The following EDIL3 variants were observed in gnomAD, a reference collection of about 807,000 sequenced individuals.
EDIL3 encodes the protein EGF like and discoidin domains 3, also known as EGF-like repeat and discoidin I-like domain-containing protein 3.
A neutral mutation model predicts 67.4 loss-of-function variants in EDIL3; 37 were observed. The observed-to-expected ratio is 0.55, with a 90% confidence interval of 0.42 to 0.72. The LOEUF is 0.72. Among genes scored for constraint, EDIL3 ranks in the 30% least tolerant of loss-of-function variants. The pLI, the probability that EDIL3 is intolerant of heterozygous loss-of-function variation, is 0.00. For missense variants in EDIL3, 527 were observed against 586.3 expected (o/e 0.90, Z 1.04); for synonymous variants, 195 against 196.3 (o/e 0.99, Z 0.05).
chr5:84,345,881 A>G (rs1747227478), intron 1 of EDIL3, among the ~76,000 whole-genome samples: 1 of 152,192 alleles, frequency 6.6e-6, no homozygotes, highest in Admixed American at 6.5e-5. Flanking sequence ...ATTGAACAAC[A>G]TAAAACATAT....
chr5:84,224,858 A>G (rs779371491), intron 3 of EDIL3, among the ~76,000 whole-genome samples: 1 of 151,560 alleles, frequency 6.6e-6, no homozygotes. Flanking sequence ...GTGCAATATC[A>G]ACATACTTAG....
chr5:84,176,212 T>TATATATATATATATATATAAA (rs1561453820), intron 4 of EDIL3, among the ~76,000 whole-genome samples: 14 of 121,462 alleles, frequency 1.2e-4, no homozygotes, highest in African/African-American at 4.7e-4. Context: ...TATATATATA[T>TATATATATATATATATATAAA]ATATATATAT....
chr5:84,285,181 T>A (rs752802539), intron 1 of EDIL3, among the ~76,000 whole-genome samples: 3 of 152,206 alleles, frequency 2.0e-5, no homozygotes, highest in African/African-American at 4.8e-5. Context: ...CATGAACACT[T>A]ACATAACCTG....
At chr5:84,113,826 T>G (rs1747615877) in intron 5 of EDIL3, among the ~76,000 whole-genome samples, 1 of 152,140 alleles carries the variant, frequency 6.6e-6, no homozygotes, top group Admixed American at 6.5e-5. Flanking sequence ...AAGAAACAAA[T>G]CTCCTTTAAA....
intron 10 of EDIL3, among the ~76,000 whole-genome samples, chr5:83,955,431 T>G (rs1025095873): frequency 2.6e-5 from 4 of 151,006 alleles, no homozygotes; most frequent in African/African-American, 9.7e-5. Flanking sequence ...AGAAACGTGC[T>G]AACTAGAAAA....
chr5:84,216,588 A>G (rs1462697774), intron 3 of EDIL3, among the ~76,000 whole-genome samples: 1 of 152,204 alleles, frequency 6.6e-6, no homozygotes, highest in Non-Finnish European at 1.5e-5. Context: ...ACATTTCTTC[A>G]TATACTTTAA....
At chr5:84,318,605 T>C (rs1424328880) in intron 1 of EDIL3, among the ~76,000 whole-genome samples, 2 of 152,224 alleles carry the variant, frequency 1.3e-5, no homozygotes, top group Non-Finnish European at 2.9e-5. Flanking sequence ...GTTAGCCACA[T>C]GCAGAAAGCT....
intron 6 of EDIL3, among the ~76,000 whole-genome samples, chr5:84,079,656 A>C (rs1050366122): frequency 6.6e-6 from 1 of 152,092 alleles, no homozygotes; most frequent in African/African-American, 2.4e-5. Flanking sequence ...TGTCTCAGGC[A>C]AAAAGAACAG....
chr5:84,080,115 C>CAAAAAAAAAAAAAAA (rs10566347), intron 6 of EDIL3, among the ~76,000 whole-genome samples: 2 of 52,962 alleles, frequency 3.8e-5, no homozygotes, highest in South Asian at 1.1e-3. Flanking sequence ...ACTAAAAATA[C>CAAAAAAAAAAAAAAA]AAAAAAAAAA....
chr5:84,051,593 C>T (rs549660334), intron 9 of EDIL3, among the ~76,000 whole-genome samples: 7 of 152,220 alleles, frequency 4.6e-5, no homozygotes, highest in Non-Finnish European at 8.8e-5. Flanking sequence ...ACTAGAATAA[C>T]CAATGCAAAG....
intron 3 of EDIL3, among the ~76,000 whole-genome samples, chr5:84,204,097 C>T (rs1743907773): frequency 6.6e-6 from 1 of 152,084 alleles, no homozygotes; most frequent in Admixed American, 6.6e-5. Flanking sequence ...ACAACTTCAC[C>T]TAAGTGAAGA....
At chr5:84,357,982 G>C (rs1369882381) in intron 1 of EDIL3, among the ~76,000 whole-genome samples, 2 of 151,950 alleles carry the variant, frequency 1.3e-5, no homozygotes, top group Admixed American at 6.6e-5. Flanking sequence ...CAGGCTGCTG[G>C]AGAGAATTAG....
chr5:84,043,042 A>G (rs937372126), intron 9 of EDIL3, among the ~76,000 whole-genome samples: 2 of 152,236 alleles, frequency 1.3e-5, no homozygotes, highest in African/African-American at 4.8e-5. Flanking sequence ...AAGTTAACAT[A>G]AAGACAAGTA....
At chr5:84,119,285 A>C (rs1747731025) in intron 5 of EDIL3, among the ~76,000 whole-genome samples, 1 of 145,694 alleles carries the variant, frequency 6.9e-6, no homozygotes, top group African/African-American at 2.5e-5. Flanking sequence ...TCCCATGCAA[A>C]ATGTTATTCA....
rs930018909 is a variant in EDIL3 at position 84,254,317 on chromosome 5, C to T, written c.68-105G>A. The T allele has an allele frequency of 1.3e-5, 17 of 1,283,378 alleles. No homozygotes were observed. In the African/African-American group the frequency reaches 2.6e-4, roughly 19 times the overall value. The allele number at this position is 1,283,378 out of a possible 1,614,324, so 79.5% of individuals were successfully genotyped here. A position where few individuals can be genotyped will look rare whatever the true frequency, so the allele number is the denominator to read the frequency against. The stretch of plus-strand genomic sequence containing the variant: ...ATGTTCCCTTGGCAAAGTCAAAAGT[C>T]AGGGTAATATTAAGATTCACACATA... On this transcript the variant is annotated intron_variant, in intron 1 of 10. Coordinates refer to ENST00000296591, the MANE Select transcript of EDIL3 (RefSeq NM_005711.5).
At chr5:84,190,579 G>GTGTGTGTGTGTGTA (rs1456078500) in intron 3 of EDIL3, among the ~76,000 whole-genome samples, 8 of 122,070 alleles carry the variant, frequency 6.6e-5, no homozygotes, top group African/African-American at 2.5e-4. Context: ...GTGTGTGTGT[G>GTGTGTGTGTGTGTA]TATATATATA....
At chr5:84,374,136 G>A (rs932670518) in intron 1 of EDIL3, among the ~76,000 whole-genome samples, 1 of 151,376 alleles carries the variant, frequency 6.6e-6, no homozygotes, top group African/African-American at 2.4e-5. Context: ...ATGTTGAGAA[G>A]CAATTTGAAA....
At chr5:84,315,635 G>A (rs1051381193) in intron 1 of EDIL3, among the ~76,000 whole-genome samples, 1 of 152,024 alleles carries the variant, frequency 6.6e-6, no homozygotes, top group Non-Finnish European at 1.5e-5. Flanking sequence ...CATTTCTATG[G>A]TTCATTACTA....
In EDIL3 at chr5:84,338,854, C is replaced by G. The variant is rs573716630; in HGVS notation, c.67+45454G>C. ...TGTGAAATCACACAGGGCCCCCATA[C>G]TTTCAAGGGCCTTGCACTTGGTTTA... On this transcript the variant is annotated intron_variant, in intron 1 of 10. Coordinates refer to ENST00000296591, the MANE Select transcript of EDIL3 (RefSeq NM_005711.5). Among the ~76,000 whole-genome samples the G allele has an allele frequency of 4.6e-5, 7 of 152,284 alleles. No homozygotes were observed. The East Asian group carries it at 1.4e-3, about 29-fold the overall frequency.
Sources: gnomAD v4.1 joint callset for allele counts (sites outside exome capture counted in the v4.1 genomes callset) on GRCh38, gnomAD v4.1.1 for gene constraint, MANE v1.5 for transcripts, NCBI Gene and HGNC (gene_info 2026-07-23, HGNC 2026-07-21) for gene names.